GALNTL6: variants seen among roughly 807,000 people sequenced by gnomAD.
The protein encoded by GALNTL6 is polypeptide N-acetylgalactosaminyltransferase like 6.
A neutral mutation model predicts 73.7 loss-of-function variants in GALNTL6; 46 were observed. That is an observed-to-expected ratio of 0.62 (90% CI 0.49 to 0.80). The LOEUF (loss-of-function observed/expected upper bound fraction) is 0.80, where lower values mean the gene tolerates loss of function less well. Ranked by LOEUF, GALNTL6 falls within the 30% of genes least tolerant of loss-of-function variation. The probability of loss-of-function intolerance (pLI) is 0.00; values close to 1 mark genes in which losing one functional copy is unlikely to be tolerated. For missense variants in GALNTL6, 604 were observed against 755.0 expected (o/e 0.80, Z 2.34); for synonymous variants, 259 against 263.7 (o/e 0.98, Z 0.17).
chr4:172,179,054 A>T (rs976143260), intron 2 of GALNTL6, among the ~76,000 whole-genome samples: 2 of 143,646 alleles, frequency 1.4e-5, no homozygotes, highest in Admixed American at 1.4e-4. Flanking sequence ...CCAGTCTATC[A>T]TTGTTGGACA....
intron 5 of GALNTL6, among the ~76,000 whole-genome samples, chr4:172,614,640 T>A (rs966277677): frequency 1.3e-5 from 2 of 152,192 alleles, no homozygotes; most frequent in African/African-American, 2.4e-5. Flanking sequence ...CAAACTACTT[T>A]GTAAGAAATG....
At chr4:172,557,072 T>C (rs1736173790) in intron 5 of GALNTL6, among the ~76,000 whole-genome samples, 1 of 152,140 alleles carries the variant, frequency 6.6e-6, no homozygotes, top group Admixed American at 6.5e-5. Context: ...CTTGAAAAAG[T>C]ATTTGAAAGT....
chr4:172,571,472 G>T (rs1736759108), intron 5 of GALNTL6, among the ~76,000 whole-genome samples: 1 of 152,160 alleles, frequency 6.6e-6, no homozygotes, highest in Non-Finnish European at 1.5e-5. Flanking sequence ...GAAATATGTT[G>T]TGACTTAAGA....
intron 2 of GALNTL6, among the ~76,000 whole-genome samples, chr4:172,205,654 A>G (rs1736086615): frequency 6.6e-6 from 1 of 152,218 alleles, no homozygotes; most frequent in South Asian, 2.1e-4. Flanking sequence ...TGAAGAGCAT[A>G]GGCAGTGTTA....
rs2164825 is a variant in GALNTL6, at chr4:172,669,233, C to T, written c.554-140128C>T. On this transcript the variant is annotated intron_variant, in intron 5 of 12. Transcript: ENST00000506823. ...ATTTGTGTCCTCTATATCATTTAAC[C>T]TCTGTTGTCTCATAAATGTGGCTGA... 2.7e-4 allele frequency: 41 copies of T among 152,164 alleles called. No individual in the cohort carries two copies. In the East Asian group the frequency reaches 5.6e-3, roughly 21 times the overall value. 9.4% of individuals were successfully genotyped at this position (152,164 alleles called of 1,614,324 possible).
intron 7 of GALNTL6, among the ~76,000 whole-genome samples, chr4:172,838,854 C>T (rs921065228): frequency 3.3e-5 from 5 of 152,020 alleles, no homozygotes; most frequent in African/African-American, 4.8e-5. Flanking sequence ...TAGATAAATT[C>T]GCAGGTAATC....
At chr4:172,358,857 C>CAAAAAAAAAA (rs56119441) in intron 5 of GALNTL6, among the ~76,000 whole-genome samples, 5 of 85,552 alleles carry the variant, frequency 5.8e-5, no homozygotes, top group African/African-American at 9.4e-5. Flanking sequence ...ATTAAAAAGT[C>CAAAAAAAAAA]AAAAAAAAAA....
intron 2 of GALNTL6, among the ~76,000 whole-genome samples, chr4:172,121,611 T>C (rs1242332460): frequency 6.6e-6 from 1 of 152,182 alleles, no homozygotes; most frequent in Non-Finnish European, 1.5e-5. Flanking sequence ...CAGTAATTGA[T>C]GAGTAAGTCA....
chr4:172,874,545 G>A (rs1021310223), intron 7 of GALNTL6, among the ~76,000 whole-genome samples: 20 of 152,186 alleles, frequency 1.3e-4, no homozygotes, highest in African/African-American at 4.6e-4. Flanking sequence ...TATGTTTTAT[G>A]TAAGAGAAGT....
At chr4:172,458,430 G>A (rs772272232) in intron 5 of GALNTL6, among the ~76,000 whole-genome samples, 4 of 151,818 alleles carry the variant, frequency 2.6e-5, no homozygotes, top group Non-Finnish European at 5.9e-5. Context: ...GTGAATTCAG[G>A]AGCTGGTTTT....
chr4:172,243,602 T>C (rs1737524547), intron 3 of GALNTL6, among the ~76,000 whole-genome samples: 1 of 152,164 alleles, frequency 6.6e-6, no homozygotes, highest in African/African-American at 2.4e-5. Context: ...TCATTTCTTC[T>C]TTAATCTCAT....
At chr4:172,239,304 AT>A (rs1737341170) in intron 3 of GALNTL6, among the ~76,000 whole-genome samples, 1 of 152,044 alleles carries the variant, frequency 6.6e-6, no homozygotes, top group Admixed American at 6.6e-5. Context: ...ATTTGAATTT[AT>A]TCCTGGTTCA....
chr4:172,035,069 T>A (rs1361271623), intron 2 of GALNTL6, among the ~76,000 whole-genome samples: 1 of 152,146 alleles, frequency 6.6e-6, no homozygotes, highest in Non-Finnish European at 1.5e-5. Flanking sequence ...AGTAAAATAA[T>A]TTTTAAGACT....
intron 2 of GALNTL6, among the ~76,000 whole-genome samples, chr4:172,053,765 T>TG: frequency 6.6e-6 from 1 of 152,318 alleles, no homozygotes; most frequent in South Asian, 2.1e-4. Context: ...ACATATTTTG[T>TG]GTGTCTGTGT....
chr4:172,059,741 C>T (rs1255957199), intron 2 of GALNTL6, among the ~76,000 whole-genome samples: 1 of 152,150 alleles, frequency 6.6e-6, no homozygotes, highest in Admixed American at 6.5e-5. Flanking sequence ...GTGATTTTTA[C>T]TCATGCTATG....
At chr4:172,073,913 C>A (rs562961222) in intron 2 of GALNTL6, among the ~76,000 whole-genome samples, 4 of 152,272 alleles carry the variant, frequency 2.6e-5, no homozygotes, top group Admixed American at 2.6e-4. Context: ...AAGGAGGCAG[C>A]TTTGATGTAA....
At chr4:172,783,426 T>C (rs959457298) in intron 5 of GALNTL6, among the ~76,000 whole-genome samples, 2 of 147,754 alleles carry the variant, frequency 1.4e-5, no homozygotes, top group African/African-American at 4.9e-5. Context: ...TAATAATATA[T>C]ACTATTTATA....
At chr4:172,982,775 C>A (rs951575466) in intron 10 of GALNTL6, among the ~76,000 whole-genome samples, 1 of 151,866 alleles carries the variant, frequency 6.6e-6, no homozygotes, top group Non-Finnish European at 1.5e-5. Context: ...AAAGATAATA[C>A]GAAAAAAATT....
At chr4:172,991,330 T>C (rs1036188288) in intron 10 of GALNTL6, among the ~76,000 whole-genome samples, 1 of 152,184 alleles carries the variant, frequency 6.6e-6, no homozygotes, top group Non-Finnish European at 1.5e-5. Flanking sequence ...AAAATCTTGT[T>C]CAAAAGAGAA....
Sources: gnomAD v4.1 joint callset for allele counts (sites outside exome capture counted in the v4.1 genomes callset) on GRCh38, gnomAD v4.1.1 for gene constraint, MANE v1.5 for transcripts, NCBI Gene and HGNC (gene_info 2026-07-23, HGNC 2026-07-21) for gene names.